The following MYO1D variants were observed in gnomAD, a reference collection of about 807,000 sequenced individuals.
MYO1D encodes myosin ID, also known as unconventional myosin-Id.
MYO1D carries 83 observed loss-of-function variants against 122.0 expected under a neutral mutation model. The ratio of observed to expected loss-of-function variants is 0.68; its 90% CI spans 0.57 to 0.82. The LOEUF (loss-of-function observed/expected upper bound fraction) is 0.82, where lower values mean the gene tolerates loss of function less well. Ranked by LOEUF, MYO1D falls within the 40% of genes least tolerant of loss-of-function variation. MYO1D has a pLI of 0.00. For missense variants in MYO1D, 1,157 were observed against 1,269.5 expected (o/e 0.91, Z 1.35); for synonymous variants, 464 against 446.9 (o/e 1.04, Z -0.48).
chr17:32,708,279 T>G (rs1419618483), intron 16 of MYO1D, among the ~76,000 whole-genome samples: 2 of 152,218 alleles, frequency 1.3e-5, no homozygotes, highest in African/African-American at 4.8e-5. Context: ...TGTTTGTCTA[T>G]ATGCACAGAA....
At chr17:32,656,468 C>T (rs138209584) in intron 17 of MYO1D, among the ~76,000 whole-genome samples, 1 of 152,186 alleles carries the variant, frequency 6.6e-6, no homozygotes, top group Non-Finnish European at 1.5e-5. Context: ...AATCCTGAAG[C>T]CTGAAGTGGC....
intron 20 of MYO1D, among the ~76,000 whole-genome samples, chr17:32,614,789 A>T (rs2087750351): frequency 6.6e-6 from 1 of 152,328 alleles, no homozygotes; most frequent in South Asian, 2.1e-4. Context: ...CAGAGCCCTC[A>T]TGCAAGCAGG....
intron 20 of MYO1D, among the ~76,000 whole-genome samples, chr17:32,620,880 G>A (rs150604747): frequency 6.6e-6 from 1 of 152,244 alleles, no homozygotes; most frequent in East Asian, 1.9e-4. Context: ...AGAGCCCATC[G>A]CAAACATACA....
chr17:32,869,182 G>A (rs1162117520), intron 1 of MYO1D, among the ~76,000 whole-genome samples: 1 of 151,610 alleles, frequency 6.6e-6, no homozygotes, highest in Non-Finnish European at 1.5e-5. Flanking sequence ...TCGCACTACC[G>A]CACTCCAGCC....
chr17:32,572,638 A>T (rs2087242422), intron 21 of MYO1D, among the ~76,000 whole-genome samples: 2 of 152,094 alleles, frequency 1.3e-5, no homozygotes. Flanking sequence ...AAATCCCCTT[A>T]TCATTATCCA....
intron 7 of MYO1D, 105 bp downstream of exon 7, chr17:32,767,531 T>C (rs991410390): frequency 2.5e-5 from 17 of 681,222 alleles, no homozygotes; most frequent in Admixed American, 1.8e-4. Flanking sequence ...CGTACAAAAT[T>C]TTCTCTGAAT....
chr17:32,797,444 C>T (rs1193053925), intron 1 of MYO1D, among the ~76,000 whole-genome samples: 2 of 152,166 alleles, frequency 1.3e-5, no homozygotes, highest in Admixed American at 6.5e-5. Context: ...TCCAAAGTTT[C>T]GCTTTTCGTG....
chr17:32,806,221 G>A (rs796758316), intron 1 of MYO1D, among the ~76,000 whole-genome samples: 6 of 152,240 alleles, frequency 3.9e-5, no homozygotes, highest in African/African-American at 1.4e-4. Context: ...TCACGCCACT[G>A]CACTCCAGTC....
At position 32,650,714 on chromosome 17, in the gene MYO1D, AT is replaced by A. The variant is rs771958295; in HGVS notation, c.2595+3128del. Among the ~76,000 whole-genome samples, 5 of 152,080 alleles carry A rather than the reference AT, an allele frequency of 3.3e-5. No homozygotes were observed. The South Asian group carries it at 1.0e-3, about 32-fold the overall frequency. On this transcript the variant is annotated intron_variant, in intron 19 of 21. Transcript: ENST00000318217. ...TATGTTTTTTCCTCCCAGAAATTGT[AT>A]TTTTCATCTTTATAACTTCATGCAG...
rs554152938 is a variant in MYO1D, at chr17:32,499,851, T to A, written c.2865-4936A>T. Among the ~76,000 whole-genome samples, 10 of 151,722 alleles carry A rather than the reference T, an allele frequency of 6.6e-5. No individual in the cohort carries two copies. The South Asian group carries it at 1.9e-3, about 28-fold the overall frequency. On this transcript the variant is annotated intron_variant, in intron 21 of 21. Transcript: ENST00000318217. ...GGTGGCATGGGCCTGTAGTCCTAGC[T>A]ACTTGGGAGACTGAGGTGGAAGAAT...
intron 16 of MYO1D, among the ~76,000 whole-genome samples, chr17:32,685,035 T>A (rs1406679768): frequency 6.6e-5 from 10 of 152,126 alleles, no homozygotes; most frequent in Non-Finnish European, 1.2e-4. Flanking sequence ...GAAAAAAAAG[T>A]CAATACCTCA....
At chr17:32,791,363 CAAAAAAAAAAAAA>C (rs60741553) in intron 1 of MYO1D, among the ~76,000 whole-genome samples, 23 of 49,488 alleles carry the variant, frequency 4.6e-4, no homozygotes, top group Non-Finnish European at 9.8e-4. Flanking sequence ...GACTCCGTCT[CAAAAAAAAAAAAA>C]AAAAAAAAAA....
At chr17:32,861,744 G>C (rs1352706467) in intron 1 of MYO1D, among the ~76,000 whole-genome samples, 46 of 152,124 alleles carry the variant, frequency 3.0e-4, no homozygotes, top group Non-Finnish European at 2.9e-5. Context: ...TCGGCCAGGT[G>C]CCACGGTTCA....
chr17:32,605,446 G>A (rs141976270), intron 20 of MYO1D, among the ~76,000 whole-genome samples: 3 of 145,848 alleles, frequency 2.1e-5, no homozygotes, highest in Admixed American at 7.0e-5. Context: ...AACAAAACAC[G>A]TCATACATTT....
chr17:32,715,896 G>C (rs913158590), intron 15 of MYO1D, among the ~76,000 whole-genome samples: 1 of 152,030 alleles, frequency 6.6e-6, no homozygotes. Flanking sequence ...CCATCATCAA[G>C]TTCTATTGAC....
rs767420357 is a variant in MYO1D at position 32,530,940 on chromosome 17, T to C, written c.2865-36025A>G. Among the ~76,000 whole-genome samples, 3 of 152,238 alleles carry C rather than the reference T, an allele frequency of 2.0e-5. No individual in the cohort carries two copies. The South Asian group carries it at 6.2e-4, about 32-fold the overall frequency. ...GATCCTCCCTCACTGCAACTCACCATTGAGTATAATTGACATTGGTTTCTG... is the reference window on the plus strand; with the variant it reads ...GATCCTCCCTCACTGCAACTCACCACTGAGTATAATTGACATTGGTTTCTG... On this transcript the variant is annotated intron_variant, in intron 21 of 21. Coordinates refer to ENST00000318217, the MANE Select transcript of MYO1D (RefSeq NM_015194.3).
At position 32,767,639 on chromosome 17, in the gene MYO1D, G is replaced by T. The variant is rs1259609820; in HGVS notation, c.828C>A (p.His276Gln). 12 of 1,595,788 alleles carry T rather than the reference G, an allele frequency of 7.5e-6. No individual in the cohort carries two copies. The South Asian group carries it at 8.9e-5, about 12-fold the overall frequency. Residue 276 changes from histidine to glutamine, a missense_variant, in exon 7 of 22, where the codon CAC becomes CAA. Physicochemically the swap from His to Gln is conservative, Grantham distance 24 (BLOSUM62 0). Transcript: ENST00000318217. ...TCTGAGAGGTGTCCCTACTCACCAAGTGCAGAATAGCAGCCAAAATCTTAT... is the reference window on the plus strand; with the variant it reads ...TCTGAGAGGTGTCCCTACTCACCAATTGCAGAATAGCAGCCAAAATCTTAT... ...TVYKILAAILHLGNLKFVVDG... is the reference protein window; with the variant it reads ...TVYKILAAILQLGNLKFVVDG...
intron 14 of MYO1D, among the ~76,000 whole-genome samples, chr17:32,725,853 A>G (rs747464267): frequency 1.1e-3 from 162 of 152,102 alleles, no homozygotes; most frequent in Non-Finnish European, 2.0e-3. Context: ...AGCCAGAGGG[A>G]AAAAAAAGAT....
intron 16 of MYO1D, among the ~76,000 whole-genome samples, chr17:32,685,796 T>C (rs899394650): frequency 3.3e-5 from 5 of 152,240 alleles, no homozygotes; most frequent in African/African-American, 1.2e-4. Context: ...TTTAAGTTAT[T>C]GTCATCTACA....
Sources: gnomAD v4.1 joint callset for allele counts (sites outside exome capture counted in the v4.1 genomes callset) on GRCh38, gnomAD v4.1.1 for gene constraint, MANE v1.5 for transcripts, NCBI Gene and HGNC (gene_info 2026-07-23, HGNC 2026-07-21) for gene names.